Variants in TIMP2 observed in about 807,000 individuals in gnomAD.
TIMP2 encodes metalloproteinase inhibitor 2.
Under a neutral mutation model 24.3 loss-of-function variants are expected in TIMP2, and 5 were observed. The ratio of observed to expected loss-of-function variants is 0.21; its 90% CI spans 0.11 to 0.43. The LOEUF is 0.43. Ranked by LOEUF, TIMP2 falls within the 20% of genes least tolerant of loss-of-function variation. TIMP2 has a pLI of 1.00. For synonymous variants in TIMP2, 130 were observed against 123.2 expected (o/e 1.06, Z -0.37); for missense variants, 221 against 297.5 (o/e 0.74, Z 1.89).
At chr17:78,868,276 G>A (rs1030362898) in intron 3 of TIMP2, among the ~76,000 whole-genome samples, 1 of 151,730 alleles carries the variant, frequency 6.6e-6, no homozygotes, top group African/African-American at 2.4e-5. Context: ...TGTGAGATGG[G>A]GTCTTGCTCA....
intron 1 of TIMP2, among the ~76,000 whole-genome samples, chr17:78,916,923 A>C (rs1414292092): frequency 3.9e-5 from 6 of 152,184 alleles, no homozygotes; most frequent in Non-Finnish European, 7.3e-5. Context: ...TCCACCCCTC[A>C]GGGCCCACAA....
chr17:78,883,179 G>A (rs1193131773), intron 1 of TIMP2, among the ~76,000 whole-genome samples: 2 of 152,232 alleles, frequency 1.3e-5, no homozygotes, highest in South Asian at 2.1e-4. Flanking sequence ...CTTCTGGGAA[G>A]CAGGAAAGAC....
chr17:78,921,418 A>G (rs1392123211), intron 1 of TIMP2, among the ~76,000 whole-genome samples: 6 of 152,210 alleles, frequency 3.9e-5, no homozygotes, highest in Admixed American at 1.3e-4. Flanking sequence ...CTGCCACCCA[A>G]GCCAGAGGAG....
Position 78,896,901 on chromosome 17 carries a change from A to G in TIMP2, c.131-22982T>C. 1.0e-6 allele frequency: 1 copy of G among 984,928 alleles called. No individual in the cohort carries two copies. Among genetic ancestry groups the G allele is most frequent in the African/African-American group, 1.7e-5 (1 of 57,316 alleles). 61.0% of individuals were successfully genotyped at this position (984,928 alleles called of 1,614,324 possible). On this transcript the variant is annotated intron_variant, in intron 1 of 4. Transcript: ENST00000262768. This position sits in a 1 kb window ranked among gnomAD's most constrained non-coding sequence, Gnocchi z 4.4. The stretch of plus-strand genomic sequence containing the variant: ...CGATCCGATCCCAGCACCTGGGCCC[A>G]GGAATGTGCTTGGCCACCAGATTCC...
chr17:78,919,216 C>T (rs776325129), intron 1 of TIMP2, among the ~76,000 whole-genome samples: 10 of 152,216 alleles, frequency 6.6e-5, no homozygotes, highest in South Asian at 2.1e-4. Flanking sequence ...GGGCAACGCC[C>T]GCTGTCATTC....
In TIMP2 at chr17:78,892,782, G is replaced by A. The variant is rs532112418; in HGVS notation, c.131-18863C>T. Among the ~76,000 whole-genome samples, 7 of 152,254 alleles carry A rather than the reference G, an allele frequency of 4.6e-5. No homozygotes were observed. The South Asian group carries it at 8.3e-4, about 18-fold the overall frequency. ...TCCGGGCCTGCAGCTGGGTGGAGGC[G>A]AGGGAGGCTGCTGAATACCCCACAC... On this transcript the variant is annotated intron_variant, in intron 1 of 4. Transcript: ENST00000262768.
At chr17:78,912,356 C>T (rs2145792929) in intron 1 of TIMP2, among the ~76,000 whole-genome samples, 2 of 152,270 alleles carry the variant, frequency 1.3e-5, no homozygotes, top group Middle Eastern at 6.8e-3. Flanking sequence ...GTTTGCTTTG[C>T]CACGTCTGTG....
rs931005238 is a variant in TIMP2, at chr17:78,896,292, G to C, written c.131-22373C>G. Reference sequence around the variant, plus strand: ...CTTAGCTGAGCCCAAGATGACCAAGGAGAAACAGCCGTTCACCTGTTGCAC... The same window carrying C: ...CTTAGCTGAGCCCAAGATGACCAAGCAGAAACAGCCGTTCACCTGTTGCAC... On this transcript the variant is annotated intron_variant, in intron 1 of 4. Coordinates refer to ENST00000262768, the MANE Select transcript of TIMP2 (RefSeq NM_003255.5). This position sits in a 1 kb window ranked among gnomAD's most constrained non-coding sequence, Gnocchi z 4.4. Among the ~76,000 whole-genome samples the C allele has an allele frequency of 1.3e-5, 2 of 152,212 alleles. No individual in the cohort carries two copies. Among genetic ancestry groups the C allele is most frequent in the Admixed American group, 6.5e-5 (1 of 15,284 alleles).
chr17:78,918,059 CACACAA>C lies in TIMP2; in HGVS notation c.130+6894_130+6899del, dbSNP rs1167429218. The stretch of plus-strand genomic sequence containing the variant: ...CACAAAAAAAACACGTACGCGTGCA[CACACAA>C]ACACACACACACACACACACACACA... On this transcript the variant is annotated intron_variant, in intron 1 of 4. Coordinates refer to ENST00000262768, the MANE Select transcript of TIMP2 (RefSeq NM_003255.5). Among the ~76,000 whole-genome samples, 873 of 118,376 alleles carry C rather than the reference CACACAA, an allele frequency of 7.4e-3. 10 individuals carry two copies. The highest frequency in any genetic ancestry group is 0.03 in the African/African-American group (785 of 26,050). The allele number at this position is 118,376 out of a possible 152,430, so 77.7% of individuals were successfully genotyped here.
chr17:78,909,371 G>A (rs1014060855), intron 1 of TIMP2, among the ~76,000 whole-genome samples: 10 of 147,752 alleles, frequency 6.8e-5, no homozygotes, highest in African/African-American at 2.6e-4. Context: ...AAAAAAAAAA[G>A]ATAAATCAAG....
rs1367846678 is a variant in TIMP2, at chr17:78,855,181, G to A, written c.*486C>T. The A allele has an allele frequency of 6.1e-6, 1 of 164,234 alleles. No individual in the cohort carries two copies. The highest frequency in any genetic ancestry group is 2.4e-5 in the African/African-American group (1 of 41,820). 10.2% of individuals were successfully genotyped at this position (164,234 alleles called of 1,614,324 possible). ...GATGGGAGCACTTGCCAGGGGCAGG[G>A]AGTGCAGAGGCGTGGAAGCTGCAGA... On this transcript the variant is annotated 3_prime_UTR_variant, in exon 5 of 5. Transcript: ENST00000262768. The surrounding 1 kb of genome is among the most constrained non-coding windows in gnomAD (Gnocchi z 6.0).
chr17:78,911,977 T>C (rs377035955), intron 1 of TIMP2, among the ~76,000 whole-genome samples: 2 of 150,024 alleles, frequency 1.3e-5, no homozygotes, highest in African/African-American at 4.9e-5. Context: ...GGCAGGAGAA[T>C]TGCTTGAAGC....
chr17:78,867,627 A>C (rs1009163066), intron 3 of TIMP2, among the ~76,000 whole-genome samples: 1 of 127,688 alleles, frequency 7.8e-6, no homozygotes, highest in African/African-American at 3.1e-5. Context: ...ATGGAGTCTC[A>C]CTCTGTCGCC....
Position 78,862,671 on chromosome 17 carries a change from C to G in TIMP2, c.341-5025G>C, listed in dbSNP as rs560215440. On this transcript the variant is annotated intron_variant, in intron 3 of 4. Coordinates refer to ENST00000262768, the MANE Select transcript of TIMP2 (RefSeq NM_003255.5). ...TCCATCGCCCAGGTAGTGGGCATAG[C>G]GCCCAATAGGTAGAATTTTTTCAGC... Among the ~76,000 whole-genome samples the G allele has an allele frequency of 2.0e-5, 3 of 152,240 alleles. No homozygotes were observed. The South Asian group carries it at 6.2e-4, about 31-fold the overall frequency.
Position 78,891,852 on chromosome 17 carries a change from C to T in TIMP2, c.131-17933G>A, listed in dbSNP as rs1265848021. On this transcript the variant is annotated intron_variant, in intron 1 of 4. Coordinates refer to ENST00000262768, the MANE Select transcript of TIMP2 (RefSeq NM_003255.5). The surrounding 1 kb of genome is among the most constrained non-coding windows in gnomAD (Gnocchi z 4.5). ...CTTCCCTTTCTCTTCTCAGGCGGGGCCAGGTGAGAATTCATCCGACCCGTG... is the reference window on the plus strand; with the variant it reads ...CTTCCCTTTCTCTTCTCAGGCGGGGTCAGGTGAGAATTCATCCGACCCGTG... 6.4e-7 allele frequency: 1 copy of T among 1,550,718 alleles called. No individual in the cohort carries two copies. The highest frequency in any genetic ancestry group is 1.2e-5 in the South Asian group (1 of 84,070).
intron 1 of TIMP2, among the ~76,000 whole-genome samples, chr17:78,883,582 G>A (rs74002612): frequency 0.12 from 18,387 of 152,174 alleles, 1,384 homozygotes; most frequent in African/African-American, 0.21. Context: ...GCCTGCCAGC[G>A]GGCACCTGGG....
chr17:78,892,506 AGAGTGAGCAAAGCCCTG>A, intron 1 of TIMP2: 1 of 1,502,772 alleles, frequency 6.7e-7, no homozygotes, highest in Non-Finnish European at 8.9e-7. Context: ...CGCTCCCAGG[AGAGTGAGCAAAGCCCTG>A]GAGACAAGCA....
At chr17:78,923,396 T>TGGGGGGGGGGGGGGGGGGGGGGGGGGGG (rs1255104339) in intron 1 of TIMP2, among the ~76,000 whole-genome samples, 2 of 47,660 alleles carry the variant, frequency 4.2e-5, no homozygotes, top group Non-Finnish European at 3.9e-5. Flanking sequence ...TGGGGCGGGG[T>TGGGGGGGGGGGGGGGGGGGGGGGGGGGG]GGGGGGGGGG....
At position 78,853,860 on chromosome 17, in the gene TIMP2, G is replaced by A. The variant is rs2069503129; in HGVS notation, c.*1807C>T. The A allele has an allele frequency of 6.6e-6, 1 of 152,512 alleles. No individual in the cohort carries two copies. The highest frequency in any genetic ancestry group is 2.1e-4 in the South Asian group (1 of 4,810). The allele number at this position is 152,512 out of a possible 1,614,324, so 9.4% of individuals were successfully genotyped here. A position where few individuals can be genotyped will look rare whatever the true frequency, so the allele number is the denominator to read the frequency against. On this transcript the variant is annotated 3_prime_UTR_variant, in exon 5 of 5. Transcript: ENST00000262768. ...CATACAGGAAGCGAACAGGGGTGGG[G>A]TGTTATATGGGTTGGAGGGGTCTGG...
Sources: gnomAD v4.1 joint callset for allele counts (sites outside exome capture counted in the v4.1 genomes callset) on GRCh38, gnomAD v4.1.1 for gene constraint, Gnocchi (gnomAD v3.1) non-coding constraint, MANE v1.5 for transcripts, NCBI Gene and HGNC (gene_info 2026-07-23, HGNC 2026-07-21) for gene names.